PHF21B: variants seen among roughly 807,000 people sequenced by gnomAD.
The protein encoded by PHF21B is PHD finger protein 21B.
Under a neutral mutation model 62.2 loss-of-function variants are expected in PHF21B, and 22 were observed. The ratio of observed to expected loss-of-function variants is 0.35; its 90% confidence interval spans 0.25 to 0.51. The LOEUF (loss-of-function observed/expected upper bound fraction) is 0.51. Ranked by LOEUF, PHF21B falls within the 20% of genes least tolerant of loss-of-function variation. The pLI is 0.97. For synonymous variants in PHF21B, 341 were observed against 314.7 expected, an observed-to-expected ratio of 1.08 and a Z score of -0.88; for missense variants, 701 against 707.9, an observed-to-expected ratio of 0.99 and a Z score of 0.11.
chr22:44,935,243 A>G (rs879866703), intron 2 of PHF21B, among the ~76,000 whole-genome samples: 3 of 152,134 alleles, frequency 2.0e-5, no homozygotes, highest in Non-Finnish European at 2.9e-5. Flanking sequence ...CAAGTTACTC[A>G]AACTCCCCGA....
intron 2 of PHF21B, among the ~76,000 whole-genome samples, chr22:44,927,519 C>A (rs954219013): frequency 6.6e-6 from 1 of 151,766 alleles, no homozygotes; most frequent in Admixed American, 6.6e-5. Flanking sequence ...AACAGGGCTG[C>A]CTTGCAGGGC....
At chr22:44,907,456 G>C (rs554444384) in intron 5 of PHF21B, among the ~76,000 whole-genome samples, 1 of 152,230 alleles carries the variant, frequency 6.6e-6, no homozygotes, top group African/African-American at 2.4e-5. Context: ...TCAGCGTCCC[G>C]CACGTGCCTG....
intron 2 of PHF21B, among the ~76,000 whole-genome samples, chr22:44,956,650 A>G (rs1395330891): frequency 6.6e-6 from 1 of 152,070 alleles, no homozygotes; most frequent in East Asian, 1.9e-4. Context: ...GGGACCCTCC[A>G]CAAGCGACCC....
intron 2 of PHF21B, among the ~76,000 whole-genome samples, chr22:44,953,714 C>A (rs1375784750): frequency 6.6e-6 from 1 of 152,220 alleles, no homozygotes; most frequent in African/African-American, 2.4e-5. Flanking sequence ...ATGCATTGGA[C>A]TTTGTCAGAC....
chr22:44,893,416 C>G (rs749726084), intron 7 of PHF21B, 41 bp downstream of exon 7: 5 of 1,547,626 alleles, frequency 3.2e-6, no homozygotes, highest in South Asian at 1.2e-5. Context: ...GCACTGGGAG[C>G]CCCCACCCTC....
At chr22:44,903,713 A>G (rs2071200874) in intron 5 of PHF21B, among the ~76,000 whole-genome samples, 1 of 152,238 alleles carries the variant, frequency 6.6e-6, no homozygotes, top group African/African-American at 2.4e-5. Flanking sequence ...CACCAAATGC[A>G]TATCCCAAAC....
At chr22:44,893,870 C>A (rs922199262) in intron 6 of PHF21B, among the ~76,000 whole-genome samples, 4 of 152,246 alleles carry the variant, frequency 2.6e-5, no homozygotes, top group African/African-American at 9.6e-5. Flanking sequence ...GGCAGATACC[C>A]ACAGGTTGGG....
At chr22:44,935,385 C>G (rs1270256442) in intron 2 of PHF21B, among the ~76,000 whole-genome samples, 1 of 152,048 alleles carries the variant, frequency 6.6e-6, no homozygotes, top group Non-Finnish European at 1.5e-5. Context: ...GAGGCTGAGA[C>G]GGGCGGATCA....
Position 44,916,578 on chromosome 22 carries a change from T to A in PHF21B, c.266A>T (p.Asp89Val). 1 of 1,606,400 alleles carries A rather than the reference T, an allele frequency of 6.2e-7. No individual in the cohort carries two copies. The highest frequency in any genetic ancestry group is 8.5e-7 in the Non-Finnish European group (1 of 1,179,892). ...PDSLPVAPGR[D>V]RPPKQPPTFQ... ...TGTTGGGGGCTGCTTGGGTGGCCGG[T>A]CCCGGCCCGGGGCAACGGGGAGGCT... The change falls in exon 4 of 13, where the codon GAC becomes GTC. Residue 89 changes from aspartate to valine, a missense_variant. Transcript: ENST00000313237.
chr22:44,914,881 G>C (rs559537847), intron 4 of PHF21B, among the ~76,000 whole-genome samples: 1 of 152,308 alleles, frequency 6.6e-6, no homozygotes, highest in Admixed American at 6.5e-5. Context: ...TCCATCTCTA[G>C]CTCTACCATT....
At chr22:44,893,912 G>A (rs868041417) in intron 6 of PHF21B, among the ~76,000 whole-genome samples, 22 of 152,376 alleles carry the variant, frequency 1.4e-4, no homozygotes, top group South Asian at 1.0e-3. Context: ...GCTGCAGGGT[G>A]AGGCTCCCAG....
At position 45,009,465 on chromosome 22, in the gene PHF21B, C is replaced by G; in HGVS notation, c.54+31G>C. On this transcript the variant is annotated intron_variant, in intron 1 of 12. Transcript: ENST00000313237. The surrounding 1 kb of genome is among the most constrained non-coding windows in gnomAD (Gnocchi z 5.9). ...ACCCCCTCACCCCGCAACACACTCC[C>G]CGGCCCCGGGCCCGGCCCCCGGCCA... 1 of 1,525,004 alleles carries G rather than the reference C, an allele frequency of 6.6e-7. No homozygotes were observed. 94.5% of individuals were successfully genotyped at this position (1,525,004 alleles called of 1,614,324 possible). A position where few individuals can be genotyped will look rare whatever the true frequency, so the allele number is the denominator to read the frequency against.
chr22:44,932,237 G>T (rs139574505), intron 2 of PHF21B, among the ~76,000 whole-genome samples: 1 of 152,244 alleles, frequency 6.6e-6, no homozygotes, highest in Non-Finnish European at 1.5e-5. Flanking sequence ...GGAGAGGGCA[G>T]ATTGGGGGGC....
chr22:44,917,936 G>A (rs1381630395), intron 3 of PHF21B, among the ~76,000 whole-genome samples: 2 of 152,218 alleles, frequency 1.3e-5, no homozygotes, highest in African/African-American at 4.8e-5. Flanking sequence ...CTGCCATGCT[G>A]GGTCCTTAGC....
chr22:44,894,229 A>G (rs985019211), intron 6 of PHF21B, among the ~76,000 whole-genome samples: 4 of 152,246 alleles, frequency 2.6e-5, no homozygotes, highest in African/African-American at 9.6e-5. Flanking sequence ...CTAAAGAAAG[A>G]AAGAATTAAG....
chr22:45,007,879 G>T (rs999733048), intron 2 of PHF21B, among the ~76,000 whole-genome samples: 2 of 151,798 alleles, frequency 1.3e-5, no homozygotes, highest in Admixed American at 6.5e-5. Flanking sequence ...AAGTCACAAT[G>T]GACAACTTTT....
chr22:44,898,570 C>T (rs753413575), intron 5 of PHF21B, among the ~76,000 whole-genome samples: 6 of 151,874 alleles, frequency 4.0e-5, no homozygotes, highest in Non-Finnish European at 7.4e-5. Context: ...CACTTTGTTG[C>T]CATGCATCTA....
chr22:44,891,261 G>T, intron 8 of PHF21B, 45 bp downstream of exon 8: 1 of 1,605,492 alleles, frequency 6.2e-7, no homozygotes, highest in Non-Finnish European at 8.5e-7. Context: ...ATGACTCCCC[G>T]CGGCCCTGAG....
intron 2 of PHF21B, among the ~76,000 whole-genome samples, chr22:44,930,068 G>A (rs1159325921): frequency 6.6e-6 from 1 of 152,146 alleles, no homozygotes; most frequent in African/African-American, 2.4e-5. Context: ...GACTTGCCCG[G>A]GTCACCAAGA....
Sources: allele counts gnomAD v4.1 joint callset (sites outside exome capture counted in the v4.1 genomes callset), GRCh38; gene constraint gnomAD v4.1.1; non-coding constraint Gnocchi (gnomAD v3.1); transcripts MANE v1.5; gene names NCBI Gene and HGNC (gene_info 2026-07-23, HGNC 2026-07-21).